The following SAMD3 variants were observed in gnomAD, a reference collection of about 807,000 sequenced individuals.
The protein encoded by SAMD3 is sterile alpha motif domain-containing protein 3.
A neutral mutation model predicts 58.5 loss-of-function variants in SAMD3; 63 were observed. The observed-to-expected ratio is 1.08, with a 90% CI of 0.88 to 1.33. SAMD3 has a LOEUF of 1.33. Ranked by LOEUF, SAMD3 falls within the 40% of genes most tolerant of loss-of-function variation. The pLI is 0.00. For synonymous variants in SAMD3, 220 were observed against 210.3 expected (o/e 1.05, Z -0.40); for missense variants, 604 against 608.4 (o/e 0.99, Z 0.08).
intron 2 of SAMD3, among the ~76,000 whole-genome samples, chr6:130,258,868 A>G (rs1366857192): frequency 6.6e-6 from 1 of 152,104 alleles, no homozygotes; most frequent in Non-Finnish European, 1.5e-5. Context: ...ATTTGGGGCA[A>G]TTTGGGAGAT....
At position 130,144,376 on chromosome 6, in the gene SAMD3, T is replaced by C; in HGVS notation, c.*144A>G. ...AGAACTTAATATCTAAGTGTAAAGATAGAAAGCATTGAAATTCATTAGCAT... is the reference window on the plus strand; with the variant it reads ...AGAACTTAATATCTAAGTGTAAAGACAGAAAGCATTGAAATTCATTAGCAT... On this transcript the variant is annotated 3_prime_UTR_variant, in exon 12 of 12. Coordinates refer to ENST00000439090, the MANE Select transcript of SAMD3 (RefSeq NM_001017373.4). 1.4e-6 allele frequency: 1 copy of C among 690,362 alleles called. No homozygotes were observed. Among genetic ancestry groups the C allele is most frequent in the Admixed American group, 3.2e-5 (1 of 31,080 alleles). 42.8% of individuals were successfully genotyped at this position (690,362 alleles called of 1,614,324 possible). A position where few individuals can be genotyped will look rare whatever the true frequency, so the allele number is the denominator to read the frequency against.
intron 2 of SAMD3, among the ~76,000 whole-genome samples, chr6:130,275,962 C>CG (rs1774761379): frequency 6.6e-6 from 1 of 151,978 alleles, no homozygotes; most frequent in Non-Finnish European, 1.5e-5. Flanking sequence ...TGTTGCCTTA[C>CG]ATGATGGAAG....
At chr6:130,365,585 C>A (rs927372191), upstream of SAMD3, 13 of 985,322 alleles carry the variant, frequency 1.3e-5, no homozygotes, top group Admixed American at 5.5e-4. Context: ...AGCTCCCCAG[C>A]CGCTCCGGAG....
At chr6:130,345,803 C>T (rs1777432333) in intron 1 of SAMD3, among the ~76,000 whole-genome samples, 1 of 152,090 alleles carries the variant, frequency 6.6e-6, no homozygotes, top group Admixed American at 6.6e-5. Context: ...GTAGGGAGCT[C>T]AAGAAGCAAA....
intron 1 of SAMD3, among the ~76,000 whole-genome samples, chr6:130,349,104 T>A (rs1351630057): frequency 1.3e-5 from 2 of 151,972 alleles, no homozygotes; most frequent in Non-Finnish European, 2.9e-5. Flanking sequence ...TTCATAGCAC[T>A]AAATGCCCAC....
intron 2 of SAMD3, among the ~76,000 whole-genome samples, chr6:130,242,930 G>C (rs2114897150): frequency 6.6e-6 from 1 of 152,322 alleles, no homozygotes; most frequent in East Asian, 1.9e-4. Flanking sequence ...GGTGTCAGCT[G>C]TGGCCATAGC....
chr6:130,226,744 C>T (rs928638363), upstream of SAMD3, among the ~76,000 whole-genome samples: 5 of 152,218 alleles, frequency 3.3e-5, no homozygotes, highest in Middle Eastern at 3.4e-3. Context: ...AGGAGAATCG[C>T]TTGAACCTGG....
intron 2 of SAMD3, among the ~76,000 whole-genome samples, chr6:130,270,999 T>G (rs113056788): frequency 0.47 from 68,663 of 145,770 alleles, 19,367 homozygotes; most frequent in African/African-American, 0.81. Context: ...TTTTTTTTGT[T>G]TTTTTTTGTT....
chr6:130,356,073 C>T (rs1000887812), intron 1 of SAMD3, among the ~76,000 whole-genome samples: 4 of 152,032 alleles, frequency 2.6e-5, no homozygotes, highest in South Asian at 2.1e-4. Flanking sequence ...TGTGAAAATG[C>T]GAATCAGATT....
intron 8 of SAMD3, among the ~76,000 whole-genome samples, chr6:130,165,863 A>C (rs1384103438): frequency 1.3e-5 from 2 of 152,144 alleles, no homozygotes; most frequent in African/African-American, 4.8e-5. Context: ...GAGGACCATC[A>C]AGGAATTTTT....
At chr6:130,200,213 C>T (rs565088528) in intron 5 of SAMD3, among the ~76,000 whole-genome samples, 306 of 152,146 alleles carry the variant, frequency 2.0e-3, no homozygotes, top group Admixed American at 3.2e-3. Flanking sequence ...ATGACATGCA[C>T]GTCAACAAGT....
At chr6:130,235,103 T>C (rs937242079) in intron 2 of SAMD3, among the ~76,000 whole-genome samples, 3 of 152,098 alleles carry the variant, frequency 2.0e-5, no homozygotes, top group African/African-American at 7.2e-5. Flanking sequence ...CTACAGAGCA[T>C]AACCCTGTCT....
At chr6:130,167,785 G>T (rs1790858515) in intron 8 of SAMD3, among the ~76,000 whole-genome samples, 1 of 152,136 alleles carries the variant, frequency 6.6e-6, no homozygotes. Context: ...AGCCACATGA[G>T]GTCTTGAGAT....
chr6:130,207,603 C>T (rs966169926), intron 5 of SAMD3, among the ~76,000 whole-genome samples: 2 of 152,102 alleles, frequency 1.3e-5, no homozygotes, highest in African/African-American at 2.4e-5. Context: ...GAGCCAATCA[C>T]GGGAAAGCTC....
chr6:130,176,223 GCAGA>G (rs1361381335), intron 7 of SAMD3: 2 of 605,634 alleles, frequency 3.3e-6, no homozygotes, highest in East Asian at 3.1e-5. Flanking sequence ...TTATAGGTAA[GCAGA>G]CAAAGTCACA....
intron 2 of SAMD3, among the ~76,000 whole-genome samples, chr6:130,257,002 C>A (rs886855829): frequency 4.6e-5 from 7 of 152,106 alleles, no homozygotes; most frequent in Non-Finnish European, 8.8e-5. Context: ...ATTGTGTCCC[C>A]AACTCCAAAT....
At chr6:130,221,150 A>G (rs957820644) in intron 1 of SAMD3, among the ~76,000 whole-genome samples, 33 of 152,310 alleles carry the variant, frequency 2.2e-4, no homozygotes, top group Middle Eastern at 3.4e-3. Flanking sequence ...CACCACGCCC[A>G]GCCAGTGAAA....
chr6:130,224,216 T>C (rs1205594296), upstream of SAMD3, among the ~76,000 whole-genome samples: 1 of 152,140 alleles, frequency 6.6e-6, no homozygotes, highest in Admixed American at 6.5e-5. Context: ...CCTCTTGATG[T>C]CCAGCCGCTT....
intron 7 of SAMD3, among the ~76,000 whole-genome samples, chr6:130,180,949 C>CTTTT (rs1311210793): frequency 1.1e-4 from 3 of 28,382 alleles, no homozygotes; most frequent in Non-Finnish European, 1.1e-4. Context: ...CTTTTTCTTT[C>CTTTT]TTTCTTTTTT....
Sources: gnomAD v4.1 joint callset for allele counts (sites outside exome capture counted in the v4.1 genomes callset) on GRCh38, gnomAD v4.1.1 for gene constraint, MANE v1.5 for transcripts, NCBI Gene and HGNC (gene_info 2026-07-23, HGNC 2026-07-21) for gene names.